Variants in ANOS1 observed in about 807,000 individuals in gnomAD.
ANOS1 encodes the protein anosmin 1.
A neutral mutation model predicts 59.0 loss-of-function variants in ANOS1; 6 were observed. That is an observed-to-expected ratio of 0.10 (90% CI 0.06 to 0.20). The LOEUF is 0.20. ANOS1 is among the 10% of genes least tolerant of loss of function. The pLI, the probability that ANOS1 is intolerant of heterozygous loss-of-function variation, is 1.00. For synonymous variants in ANOS1, 217 were observed against 223.4 expected (o/e 0.97, Z 0.25); for missense variants, 433 against 542.3 (o/e 0.80, Z 2.00).
chrX:8,638,787 A>T (rs1931612564), intron 2 of ANOS1, among the ~76,000 whole-genome samples: 1 of 112,102 alleles, frequency 8.9e-6, no homozygotes, highest in South Asian at 3.7e-4. Flanking sequence ...GTGTTCTGAG[A>T]TGAAGACAAA....
chrX:8,647,391 C>T (rs763436416), intron 2 of ANOS1, among the ~76,000 whole-genome samples: 7 of 111,352 alleles, frequency 6.3e-5, no homozygotes, highest in Non-Finnish European at 1.1e-4. Context: ...TGACTCAGAA[C>T]CCTCATCTCC....
chrX:8,608,695 AAAG>A (rs1461746134), intron 3 of ANOS1, among the ~76,000 whole-genome samples: 1 of 111,945 alleles, frequency 8.9e-6, no homozygotes, highest in Non-Finnish European at 1.9e-5. Context: ...TCCATGTGTC[AAAG>A]AAGAGACCAG....
At chrX:8,668,534 T>C (rs1226987234) in intron 2 of ANOS1, among the ~76,000 whole-genome samples, 1 of 100,028 alleles carries the variant, frequency 1.0e-5, no homozygotes, top group Non-Finnish European at 2.0e-5. Flanking sequence ...TCCATATATA[T>C]ATATATATAT....
At chrX:8,667,699 G>A (rs1411992339) in intron 2 of ANOS1, among the ~76,000 whole-genome samples, 1 of 111,317 alleles carries the variant, frequency 9.0e-6, no homozygotes, top group Non-Finnish European at 1.9e-5. Context: ...CCGTATGGGG[G>A]TTGCTTCTTA....
chrX:8,621,805 T>C (rs780601452), intron 3 of ANOS1, among the ~76,000 whole-genome samples: 1 of 111,877 alleles, frequency 8.9e-6, no homozygotes, highest in East Asian at 2.8e-4. Flanking sequence ...AGATCTTTCA[T>C]CCAGGAGAAA....
intron 2 of ANOS1, among the ~76,000 whole-genome samples, chrX:8,683,570 G>A (rs1932459827): frequency 9.0e-6 from 1 of 111,584 alleles, no homozygotes; most frequent in Non-Finnish European, 1.9e-5. Flanking sequence ...ATACTGCAAC[G>A]GTCTACATGT....
At chrX:8,632,970 C>T (rs1380830051) in intron 2 of ANOS1, among the ~76,000 whole-genome samples, 2 of 111,342 alleles carry the variant, frequency 1.8e-5, no homozygotes, top group Non-Finnish European at 3.8e-5. Flanking sequence ...AATATGTGCA[C>T]CCTACTGCCT....
Position 8,553,947 on chromosome X carries a change from T to C in ANOS1, c.1354+5A>G. ...GTAAGAAATAAGTAAGTAATGTTTA[T>C]GTACCTTCTGTCTTCTTCCAGTAGA... On this transcript the variant is annotated splice_donor_5th_base_variant and intron_variant, in intron 9 of 13. Transcript: ENST00000262648. 1 of 1,203,900 alleles carries C rather than the reference T, an allele frequency of 8.3e-7. No homozygotes were observed. Among genetic ancestry groups the C allele is most frequent in the Non-Finnish European group, 1.1e-6 (1 of 888,320 alleles).
At chrX:8,598,550 G>C (rs969576032) in intron 3 of ANOS1, among the ~76,000 whole-genome samples, 5 of 111,023 alleles carry the variant, frequency 4.5e-5, no homozygotes, top group Admixed American at 9.6e-5. Context: ...CTATGGAAGA[G>C]AATGGCCAAG....
intron 2 of ANOS1, among the ~76,000 whole-genome samples, chrX:8,628,206 T>C (rs1199574219): frequency 9.0e-6 from 1 of 111,712 alleles, no homozygotes; most frequent in Non-Finnish European, 1.9e-5. Context: ...AGTTTACAAG[T>C]GCCATGGCAA....
intron 2 of ANOS1, among the ~76,000 whole-genome samples, chrX:8,685,338 C>T (rs1393461594): frequency 1.8e-5 from 2 of 109,440 alleles, no homozygotes; most frequent in African/African-American, 3.3e-5. Context: ...TTATACCTCT[C>T]TGTGCTTAAA....
chrX:8,646,519 C>T lies in ANOS1; in HGVS notation c.256-22849G>A, dbSNP rs183716291. Reference sequence around the variant, plus strand: ...AAATGTGAACGCTAACACTCATTTTCCATCTTTTCATGGCTGCAATAGAAA... The same window carrying T: ...AAATGTGAACGCTAACACTCATTTTTCATCTTTTCATGGCTGCAATAGAAA... On this transcript the variant is annotated intron_variant, in intron 2 of 13. Transcript: ENST00000262648. Among the ~76,000 whole-genome samples the T allele has an allele frequency of 5.4e-3, 595 of 111,181 alleles. 1 individual carries two copies. Among genetic ancestry groups the T allele is most frequent in the Middle Eastern group, 0.014 (3 of 218 alleles).
At chrX:8,717,402 C>T (rs1324205614) in intron 1 of ANOS1, among the ~76,000 whole-genome samples, 3 of 111,569 alleles carry the variant, frequency 2.7e-5, no homozygotes, top group Non-Finnish European at 5.6e-5. Flanking sequence ...AGAATATATT[C>T]TATCCAGATT....
chrX:8,600,564 A>G (rs907295587), intron 3 of ANOS1, among the ~76,000 whole-genome samples: 1 of 112,250 alleles, frequency 8.9e-6, no homozygotes, highest in Non-Finnish European at 1.9e-5. Context: ...ATATTGAATT[A>G]TGACAAATTT....
At chrX:8,586,746 A>C (rs1032014470) in intron 5 of ANOS1, among the ~76,000 whole-genome samples, 1 of 110,439 alleles carries the variant, frequency 9.1e-6, no homozygotes, top group East Asian at 2.8e-4. Context: ...TTTTTATATA[A>C]AATATAGGTA....
At chrX:8,693,562 C>A (rs1314851957) in intron 2 of ANOS1, among the ~76,000 whole-genome samples, 1 of 110,213 alleles carries the variant, frequency 9.1e-6, no homozygotes, top group Non-Finnish European at 1.9e-5. Flanking sequence ...TGGGTGAGTA[C>A]AGAGGAACTT....
chrX:8,707,724 C>T lies in ANOS1; in HGVS notation c.208-7979G>A, dbSNP rs150993880. Among the ~76,000 whole-genome samples, 129 of 111,572 alleles carry T rather than the reference C, an allele frequency of 1.2e-3. 1 individual carries two copies. The highest frequency in any genetic ancestry group is 3.9e-3 in the African/African-American group (120 of 30,723). On this transcript the variant is annotated intron_variant, in intron 1 of 13. Coordinates refer to ENST00000262648, the MANE Select transcript of ANOS1 (RefSeq NM_000216.4). Reference sequence around the variant, plus strand: ...ATTTGCAGGTTATATACAAATACCACACCATTTTACTTCAATAACTTGAGC... The same window carrying T: ...ATTTGCAGGTTATATACAAATACCATACCATTTTACTTCAATAACTTGAGC...
At chrX:8,668,135 C>G (rs751764314) in intron 2 of ANOS1, among the ~76,000 whole-genome samples, 1 of 107,693 alleles carries the variant, frequency 9.3e-6, no homozygotes, top group South Asian at 4.2e-4. Context: ...ACCCATCACC[C>G]GAGCAGTATA....
intron 5 of ANOS1, among the ~76,000 whole-genome samples, chrX:8,587,027 A>G (rs1260849563): frequency 9.2e-6 from 1 of 108,585 alleles, no homozygotes; most frequent in East Asian, 2.8e-4. Flanking sequence ...TTTTTTTCCT[A>G]TAGACATAGA....
Sources: allele counts gnomAD v4.1 joint callset (sites outside exome capture counted in the v4.1 genomes callset), GRCh38; gene constraint gnomAD v4.1.1; transcripts MANE v1.5; gene names NCBI Gene and HGNC (gene_info 2026-07-23, HGNC 2026-07-21).